The following NEXN variants were observed in gnomAD, a reference collection of about 807,000 sequenced individuals.
The protein encoded by NEXN is nexilin F-actin binding protein.
NEXN carries 65 observed loss-of-function variants against 92.6 expected under a neutral mutation model. The ratio of observed to expected loss-of-function variants is 0.70; its 90% CI spans 0.57 to 0.86. NEXN has a LOEUF of 0.86. Ranked by LOEUF, NEXN falls within the 40% of genes least tolerant of loss-of-function variation. The pLI, the probability that NEXN is intolerant of heterozygous loss-of-function variation, is 0.00. For missense variants in NEXN, 778 were observed against 771.1 expected, an observed-to-expected ratio of 1.01 and a Z score of -0.11; for synonymous variants, 254 against 242.5, an observed-to-expected ratio of 1.05 and a Z score of -0.44.
Position 77,942,170 on chromosome 1 carries a change from C to A in NEXN, c.1621C>A (p.Gln541Lys), listed in dbSNP as rs746088518. The A allele has an allele frequency of 6.2e-7, 1 of 1,613,694 alleles. No homozygotes were observed. Among genetic ancestry groups the A allele is most frequent in the South Asian group, 1.1e-5 (1 of 91,070 alleles). Residue 541 changes from glutamine to lysine, a missense_variant, in exon 12 of 13, where the codon CAG becomes AAG. By Grantham distance (53) the Gln-to-Lys change is moderately conservative (BLOSUM62 1). Around this residue, in one of 3 missense-constraint regions of NEXN, gnomAD observed 532 missense variants for 476.7 expected, o/e 1.12. Coordinates refer to ENST00000334785, the MANE Select transcript of NEXN (RefSeq NM_144573.4). ...RIEEQKLLRM[Q>K]FEQREIDAAL... is the part of the protein sequence containing the mutation. ...TGAAGAACAAAAGTTACTACGCATG[C>A]AGTTTGAACAAAGGGAAATTGATGC...
intron 1 of NEXN, among the ~76,000 whole-genome samples, chr1:77,900,025 G>A (rs917155180): frequency 5.3e-5 from 8 of 151,980 alleles, no homozygotes; most frequent in African/African-American, 1.5e-4. Flanking sequence ...AGTCATGCTC[G>A]TTTGCTGGCT....
intron 1 of NEXN, among the ~76,000 whole-genome samples, chr1:77,911,749 A>ATG: frequency 6.6e-6 from 1 of 151,480 alleles, no homozygotes; most frequent in East Asian, 1.9e-4. Flanking sequence ...TTATATATAT[A>ATG]TATATATATA....
At chr1:77,932,660 CTAATT>C (rs1321258975) in intron 9 of NEXN, among the ~76,000 whole-genome samples, 1 of 151,940 alleles carries the variant, frequency 6.6e-6, no homozygotes, top group Non-Finnish European at 1.5e-5. Context: ...ATCTTAATGT[CTAATT>C]TAAAGTACTC....
intron 1 of NEXN, chr1:77,889,592 GA>G (rs1259853007): frequency 6.6e-6 from 1 of 152,176 alleles, no homozygotes; most frequent in Non-Finnish European, 1.5e-5. Context: ...ACGAAGTTGA[GA>G]GGTTATAGTT....
Position 77,917,549 on chromosome 1 carries a change from A to G in NEXN, c.28-17A>G. The G allele has an allele frequency of 6.3e-7, 1 of 1,589,350 alleles. No individual in the cohort carries two copies. Among genetic ancestry groups the G allele is most frequent in the Non-Finnish European group, 8.6e-7 (1 of 1,159,950 alleles). ...CTTTTTCGTTAACTTTCTTTTTTTT[A>G]TTTTCTTCTAATGAAGATTCTGCTT... On this transcript the variant is annotated splice_polypyrimidine_tract_variant and intron_variant, in intron 2 of 12. Transcript: ENST00000334785.
Position 77,936,015 on chromosome 1 carries a change from A to G in NEXN, c.1444A>G (p.Lys482Glu). ...AAGGAGAGCAATTGACCTTGAAATTAAAGAGCGAGAAGCTGAAAATTTTCA... is the reference window on the plus strand; with the variant it reads ...AAGGAGAGCAATTGACCTTGAAATTGAAGAGCGAGAAGCTGAAAATTTTCA... ...ARRRAIDLEI[K>E]EREAENFHEE... Residue 482 changes from lysine (K) to glutamate (E), a missense_variant, in exon 11 of 13, where the codon AAA (lysine) becomes GAA (glutamate). Lys to Glu is a moderately conservative substitution (Grantham distance 56, BLOSUM62 1). Coordinates refer to ENST00000334785, the MANE Select transcript of NEXN (RefSeq NM_144573.4). 1.2e-6 allele frequency: 2 copies of G among 1,613,718 alleles called. No homozygotes were observed. The highest frequency in any genetic ancestry group is 1.7e-5 in the Admixed American group (1 of 60,010).
intron 1 of NEXN, chr1:77,889,387 G>A (rs1647054886): frequency 1.3e-5 from 2 of 149,578 alleles, no homozygotes; most frequent in Non-Finnish European, 3.0e-5. Context: ...TTCTGCCCGA[G>A]GTGGGATGCT....
intron 2 of NEXN, 106 bp downstream of exon 2, chr1:77,916,239 ATAAT>A (rs1351873609): frequency 2.8e-6 from 2 of 711,658 alleles, no homozygotes; most frequent in East Asian, 3.5e-5. Context: ...TTAGGAGTTC[ATAAT>A]TAATAACATA....
chr1:77,913,477 G>A (rs1471657177), intron 1 of NEXN, among the ~76,000 whole-genome samples: 1 of 151,178 alleles, frequency 6.6e-6, no homozygotes, highest in African/African-American at 2.4e-5. Flanking sequence ...AGATACAGAT[G>A]GCAAATAAAC....
chr1:77,940,555 T>C (rs938597269), intron 11 of NEXN, among the ~76,000 whole-genome samples: 1 of 152,232 alleles, frequency 6.6e-6, no homozygotes, highest in African/African-American at 2.4e-5. Flanking sequence ...AAATGAATAG[T>C]TATGAATTTG....
intron 1 of NEXN, among the ~76,000 whole-genome samples, chr1:77,913,725 A>G (rs936780053): frequency 6.6e-6 from 1 of 152,158 alleles, no homozygotes; most frequent in African/African-American, 2.4e-5. Context: ...GTGGTTTCTT[A>G]TAATACTAAA....
chr1:77,933,614 A>C (rs1433073191), intron 10 of NEXN, 135 bp downstream of exon 10: 1 of 705,142 alleles, frequency 1.4e-6, no homozygotes, highest in Non-Finnish European at 2.4e-6. Context: ...CTTACATGGT[A>C]CAGGCGTCTG....
intron 1 of NEXN, among the ~76,000 whole-genome samples, chr1:77,908,934 G>A (rs1026435637): frequency 5.9e-5 from 9 of 152,152 alleles, no homozygotes; most frequent in African/African-American, 1.9e-4. Context: ...TAATCTAAAT[G>A]TGAGGTGATT....
intron 8 of NEXN, among the ~76,000 whole-genome samples, chr1:77,927,266 C>G (rs1310371948): frequency 6.6e-6 from 1 of 151,526 alleles, no homozygotes; most frequent in African/African-American, 2.4e-5. Context: ...CAGAATGAGA[C>G]TGTCTCAAAA....
At position 77,922,742 on chromosome 1, in the gene NEXN, C is replaced by A. The variant is rs564029717; in HGVS notation, c.448-2446C>A. Among the ~76,000 whole-genome samples, 45 of 151,850 alleles carry A rather than the reference C, an allele frequency of 3.0e-4. 3 individuals are homozygous for A. The highest frequency in any genetic ancestry group is 1.0e-3 in the African/African-American group (43 of 41,412). Reference sequence around the variant, plus strand: ...CCTCCCGTAGCTGGGATTACAGGCACCTGCCACCACGCCCGGCTAATTTTT... The same window carrying A: ...CCTCCCGTAGCTGGGATTACAGGCAACTGCCACCACGCCCGGCTAATTTTT... On this transcript the variant is annotated intron_variant, in intron 5 of 12. Coordinates refer to ENST00000334785, the MANE Select transcript of NEXN (RefSeq NM_144573.4).
chr1:77,935,784 C>T (rs745312566), intron 10 of NEXN, 39 bp from the exon 11 acceptor site: 48 of 1,575,576 alleles, frequency 3.0e-5, no homozygotes, highest in Non-Finnish European at 3.8e-5. Context: ...GAGACTCTCT[C>T]AAAAACAGCA....
At chr1:77,895,153 T>C (rs1182071826) in intron 1 of NEXN, among the ~76,000 whole-genome samples, 1 of 140,948 alleles carries the variant, frequency 7.1e-6, no homozygotes, top group Non-Finnish European at 1.5e-5. Context: ...CACACCATTC[T>C]CCTGCCTCAG....
intron 8 of NEXN, among the ~76,000 whole-genome samples, chr1:77,928,205 G>A (rs944132882): frequency 3.3e-5 from 5 of 151,586 alleles, no homozygotes; most frequent in Admixed American, 1.3e-4. Flanking sequence ...CAAGCTCCCC[G>A]GGTGCTGAGG....
intron 5 of NEXN, among the ~76,000 whole-genome samples, chr1:77,923,147 C>T (rs184289859): frequency 0.027 from 4,047 of 148,130 alleles, 95 homozygotes; most frequent in South Asian, 0.11. Context: ...GTGTGTGCCA[C>T]GACACCCAGC....
Sources: gnomAD v4.1 joint callset for allele counts (sites outside exome capture counted in the v4.1 genomes callset) on GRCh38, gnomAD v4.1.1 for gene constraint, gnomAD v4.1.1 regional missense constraint, MANE v1.5 for transcripts, NCBI Gene and HGNC (gene_info 2026-07-23, HGNC 2026-07-21) for gene names.